Variants in PHKA1 observed in about 807,000 individuals in gnomAD.
PHKA1 encodes the protein phosphorylase b kinase regulatory subunit alpha, skeletal muscle isoform.
Under a neutral mutation model 110.2 loss-of-function variants are expected in PHKA1, and 60 were observed. The ratio of observed to expected loss-of-function variants is 0.54; its 90% CI spans 0.44 to 0.68. The LOEUF is 0.68. PHKA1 is among the 30% of genes least tolerant of loss of function. The probability of loss-of-function intolerance (pLI) is 0.00; values close to 1 mark genes in which losing one functional copy is unlikely to be tolerated. For synonymous variants in PHKA1, 316 were observed against 333.6 expected (o/e 0.95, Z 0.58); for missense variants, 801 against 942.5 (o/e 0.85, Z 1.97).
chrX:72,614,051 CT>C (rs2052853679), intron 21 of PHKA1, among the ~76,000 whole-genome samples: 1 of 111,543 alleles, frequency 9.0e-6, no homozygotes, highest in South Asian at 3.8e-4. Context: ...CACTATTGGG[CT>C]ATATGACAAA....
At position 72,605,560 on chromosome X, in the gene PHKA1, C is replaced by A. The variant is rs782688794; in HGVS notation, c.2666G>T (p.Ser889Ile). 2 of 1,205,594 alleles carry A rather than the reference C, an allele frequency of 1.7e-6. No individual in the cohort carries two copies. The highest frequency in any genetic ancestry group is 1.1e-6 in the Non-Finnish European group (1 of 889,831). ...TCTCACCTGTGTAAGGATTGAAATG[C>A]TCATATCCCCTTCACTGGCTTCATC... ...LIDEASEGDM[S>I]ISILTQEIMV... The change falls in exon 24 of 32, where the codon AGC (serine) becomes ATC (isoleucine). Residue 889 changes from serine to isoleucine, a missense_variant. Transcript: ENST00000373542.
intron 5 of PHKA1, among the ~76,000 whole-genome samples, chrX:72,679,601 A>T (rs781972564): frequency 5.4e-5 from 6 of 111,427 alleles, no homozygotes; most frequent in Non-Finnish European, 1.1e-4. Context: ...GAATATAGAA[A>T]AATAGACTCA....
At chrX:72,682,934 TAAAAAA>T (rs1164416043) in intron 5 of PHKA1, among the ~76,000 whole-genome samples, 4 of 63,842 alleles carry the variant, frequency 6.3e-5, no homozygotes, top group Admixed American at 6.1e-4. Flanking sequence ...AAAAATAAAT[TAAAAAA>T]AAAAAAAAAA....
intron 11 of PHKA1, among the ~76,000 whole-genome samples, chrX:72,652,962 G>A (rs781905645): frequency 1.8e-5 from 2 of 111,351 alleles, no homozygotes; most frequent in African/African-American, 3.3e-5. Context: ...CATTCTCACC[G>A]GAATGGAAGA....
At chrX:72,698,095 C>T (rs2054154089) in intron 3 of PHKA1, among the ~76,000 whole-genome samples, 1 of 110,848 alleles carries the variant, frequency 9.0e-6, no homozygotes, top group East Asian at 2.8e-4. Flanking sequence ...TTTGATTTCA[C>T]CTGAACTGTT....
At chrX:72,660,564 A>G in intron 8 of PHKA1, 1 of 375,834 alleles carries the variant, frequency 2.7e-6, no homozygotes, top group Non-Finnish European at 4.7e-6. Context: ...GGTATAGACT[A>G]TGTAATACCT....
chrX:72,616,317 A>G (rs2052896652), intron 21 of PHKA1, among the ~76,000 whole-genome samples: 1 of 112,326 alleles, frequency 8.9e-6, no homozygotes, highest in African/African-American at 3.2e-5. Context: ...ACAGTGAGCC[A>G]TGTTCATGGC....
chrX:72,631,743 A>G (rs894902161), intron 16 of PHKA1, among the ~76,000 whole-genome samples: 3 of 110,954 alleles, frequency 2.7e-5, no homozygotes, highest in Admixed American at 9.6e-5. Context: ...CTGGTTTCCA[A>G]CTTTCAGAGT....
At chrX:72,649,971 G>A (rs1556298410) in intron 13 of PHKA1, among the ~76,000 whole-genome samples, 1 of 102,629 alleles carries the variant, frequency 9.7e-6, no homozygotes. Context: ...CAGCCTGGGT[G>A]ACAGAAAGAG....
chrX:72,627,248 T>G (rs1603258652), intron 16 of PHKA1, among the ~76,000 whole-genome samples, 199 bp from the exon 17 acceptor site: 1 of 111,652 alleles, frequency 9.0e-6, no homozygotes, highest in African/African-American at 3.3e-5. Flanking sequence ...TGATGACTGA[T>G]AGATTTCCTC....
At chrX:72,633,928 G>A (rs1377534164) in intron 16 of PHKA1, among the ~76,000 whole-genome samples, 1 of 111,434 alleles carries the variant, frequency 9.0e-6, no homozygotes, top group Admixed American at 9.5e-5. Flanking sequence ...TCCTCTCACA[G>A]GTCAAGTTCA....
At chrX:72,660,577 A>C in intron 8 of PHKA1, 1 of 369,186 alleles carries the variant, frequency 2.7e-6, no homozygotes, top group East Asian at 6.2e-5. Flanking sequence ...TAATACCTAA[A>C]ACAGGGCTTT....
chrX:72,600,080 T>A (rs1240711880), intron 28 of PHKA1, among the ~76,000 whole-genome samples: 7 of 109,828 alleles, frequency 6.4e-5, no homozygotes, highest in African/African-American at 2.3e-4. Context: ...TTTTTCATAA[T>A]CAGAAAAGAG....
At chrX:72,703,542 A>C (rs1556330740) in intron 3 of PHKA1, among the ~76,000 whole-genome samples, 1 of 110,856 alleles carries the variant, frequency 9.0e-6, no homozygotes, top group Non-Finnish European at 1.9e-5. Context: ...TTAGCAAGGC[A>C]TGGTGGTGCA....
intron 23 of PHKA1, among the ~76,000 whole-genome samples, chrX:72,607,575 A>AT (rs1165714286): frequency 9.0e-6 from 1 of 111,440 alleles, no homozygotes; most frequent in Non-Finnish European, 1.9e-5. Flanking sequence ...AGACTATTAG[A>AT]TTTTTTTCCC....
At chrX:72,629,385 C>T (rs2067717450) in intron 16 of PHKA1, among the ~76,000 whole-genome samples, 1 of 111,477 alleles carries the variant, frequency 9.0e-6, no homozygotes, top group South Asian at 3.7e-4. Context: ...TCTAGATGTA[C>T]AAAATTGTAG....
intron 6 of PHKA1, among the ~76,000 whole-genome samples, chrX:72,668,997 A>G (rs2053646553): frequency 8.9e-6 from 1 of 112,901 alleles, no homozygotes; most frequent in Non-Finnish European, 1.9e-5. Context: ...TAAACCCAGC[A>G]TAGCAGACAT....
chrX:72,624,404 A>G (rs2053023454), intron 17 of PHKA1, among the ~76,000 whole-genome samples: 2 of 111,222 alleles, frequency 1.8e-5, no homozygotes, highest in Non-Finnish European at 3.8e-5. Context: ...AGGGACAGCT[A>G]AATATGATCT....
chrX:72,689,287 A>G (rs1334820390), intron 4 of PHKA1, among the ~76,000 whole-genome samples: 2 of 112,115 alleles, frequency 1.8e-5, no homozygotes, highest in African/African-American at 3.2e-5. Flanking sequence ...CATCACTCCA[A>G]AAGAAACCTT....
Sources: gnomAD v4.1 joint callset for allele counts (sites outside exome capture counted in the v4.1 genomes callset) on GRCh38, gnomAD v4.1.1 for gene constraint, MANE v1.5 for transcripts, NCBI Gene and HGNC (gene_info 2026-07-23, HGNC 2026-07-21) for gene names.